The following C11orf65 variants were observed in gnomAD, a reference collection of about 807,000 sequenced individuals.
The protein encoded by C11orf65 is protein MFI.
C11orf65 carries 38 observed loss-of-function variants against 35.3 expected under a neutral mutation model. That is an observed-to-expected ratio of 1.08 (90% CI 0.83 to 1.41). C11orf65 has a LOEUF of 1.41. Among genes scored for constraint, C11orf65 ranks in the 40% most tolerant of loss-of-function variants. The probability of loss-of-function intolerance (pLI) is 0.00; values close to 1 mark genes in which losing one functional copy is unlikely to be tolerated. For missense variants in C11orf65, 370 were observed against 367.1 expected, an observed-to-expected ratio of 1.01 and a Z score of -0.06; for synonymous variants, 105 against 114.4, an observed-to-expected ratio of 0.92 and a Z score of 0.53.
At chr11:108,349,164 G>A (rs571000243) in intron 2 of C11orf65, among the ~76,000 whole-genome samples, 3 of 152,190 alleles carry the variant, frequency 2.0e-5, no homozygotes, top group African/African-American at 7.2e-5. Context: ...GATCTTGGAA[G>A]GCAAGAGGGG....
rs773252551 is a variant in C11orf65 at position 108,431,888 on chromosome 11, C to T, written c.82-50G>A. ...ATGATCAAAACTGGATTTTCTATTT[C>T]TACTTCGCTTTTTGTCTAATCAGGG... On this transcript the variant is annotated intron_variant, in intron 2 of 8. Transcript: ENST00000393084. 7.6e-6 allele frequency: 9 copies of T among 1,187,222 alleles called. No homozygotes were observed. The Admixed American group carries it at 1.9e-4, about 25-fold the overall frequency. The allele number at this position is 1,187,222 out of a possible 1,614,324, so 73.5% of individuals were successfully genotyped here.
intron 2 of C11orf65, among the ~76,000 whole-genome samples, chr11:108,443,611 C>A (rs540701111): frequency 2.1e-4 from 32 of 152,222 alleles, no homozygotes; most frequent in Admixed American, 1.2e-3. Context: ...GAAATTATAA[C>A]AAACTGTCTC....
chr11:108,401,762 G>A (rs1003394906), intron 6 of C11orf65, among the ~76,000 whole-genome samples: 2 of 152,054 alleles, frequency 1.3e-5, no homozygotes, highest in South Asian at 2.1e-4. Context: ...CTACCCCATC[G>A]GTCTCTCTGA....
At chr11:108,455,330 T>C (rs915536585) in intron 2 of C11orf65, among the ~76,000 whole-genome samples, 1 of 152,172 alleles carries the variant, frequency 6.6e-6, no homozygotes, top group Non-Finnish European at 1.5e-5. Context: ...GACATGATCT[T>C]ATATACAGAA....
intron 2 of C11orf65, chr11:108,343,181 T>C: frequency 6.2e-7 from 1 of 1,611,694 alleles, no homozygotes; most frequent in Non-Finnish European, 8.5e-7. Flanking sequence ...TGCTCTTTAA[T>C]GGCCTTTTAA....
At chr11:108,421,364 T>C (rs191708315) in intron 3 of C11orf65, among the ~76,000 whole-genome samples, 130 of 152,130 alleles carry the variant, frequency 8.5e-4, no homozygotes, top group Non-Finnish European at 1.8e-3. Context: ...CAAATCAAAA[T>C]ACACAACCAG....
At chr11:108,444,479 T>C (rs1230629711) in intron 2 of C11orf65, among the ~76,000 whole-genome samples, 1 of 152,054 alleles carries the variant, frequency 6.6e-6, no homozygotes, top group Non-Finnish European at 1.5e-5. Context: ...GAGGCCAACA[T>C]CATCCTGACA....
chr11:108,374,495 A>G (rs1326129886), intron 2 of C11orf65, among the ~76,000 whole-genome samples: 1 of 152,324 alleles, frequency 6.6e-6, no homozygotes. Context: ...GTACATCACC[A>G]TCATCAAAGA....
chr11:108,323,287 A>AC (rs2085363692), intron 6 of C11orf65, among the ~76,000 whole-genome samples: 2 of 152,204 alleles, frequency 1.3e-5, no homozygotes, highest in South Asian at 4.1e-4. Flanking sequence ...GGCAGTACTT[A>AC]CTGCCAGAAA....
At chr11:108,313,174 CT>C (rs1388059803) in intron 6 of C11orf65, among the ~76,000 whole-genome samples, 1 of 152,190 alleles carries the variant, frequency 6.6e-6, no homozygotes, top group Non-Finnish European at 1.5e-5. Flanking sequence ...GAGACTAATT[CT>C]TCCTGTGCTT....
At chr11:108,351,164 A>G (rs1329988854) in intron 2 of C11orf65, among the ~76,000 whole-genome samples, 1 of 152,234 alleles carries the variant, frequency 6.6e-6, no homozygotes, top group East Asian at 1.9e-4. Flanking sequence ...GTACACATGT[A>G]TAATTCCATT....
At chr11:108,374,697 G>A (rs1310792597) in intron 2 of C11orf65, among the ~76,000 whole-genome samples, 1 of 152,160 alleles carries the variant, frequency 6.6e-6, no homozygotes, top group Non-Finnish European at 1.5e-5. Flanking sequence ...CCGAGCTACA[G>A]GAGGAAATTC....
intron 2 of C11orf65, chr11:108,343,174 T>C (rs771908525): frequency 6.2e-7 from 1 of 1,609,294 alleles, no homozygotes; most frequent in Non-Finnish European, 8.5e-7. Flanking sequence ...CATCAAATGC[T>C]CTTTAATGGC....
At chr11:108,445,803 T>C (rs897054005) in intron 2 of C11orf65, among the ~76,000 whole-genome samples, 10 of 151,972 alleles carry the variant, frequency 6.6e-5, no homozygotes, top group African/African-American at 2.2e-4. Context: ...AGAAGAAGGC[T>C]TCAGACGATC....
chr11:108,361,327 G>A lies in C11orf65; in HGVS notation c.227-26035C>T, dbSNP rs925246849. On this transcript the variant is annotated intron_variant, in intron 2 of 3. Coordinates refer to the C11orf65 transcript ENST00000524755. ...ACAAACAAATGGAAGAACATTCCAT[G>A]CTCATGGGTAGGAAGAATCAATATT... 1.3e-4 allele frequency among the ~76,000 whole-genome samples: 19 copies of A among 146,620 alleles called. 1 individual carries two copies. The highest frequency in any genetic ancestry group is 9.1e-4 in the South Asian group (4 of 4,404).
chr11:108,393,516 A>G (rs2092220900), intron 6 of C11orf65, 138 bp from the exon 7 acceptor site: 4 of 770,698 alleles, frequency 5.2e-6, no homozygotes, highest in Non-Finnish European at 8.0e-6. Context: ...TATATAACTC[A>G]GATGCATCTA....
rs780317653 is a variant in C11orf65, at chr11:108,331,844, T to A, written c.300-277A>T. 5 of 1,603,340 alleles carry A rather than the reference T, an allele frequency of 3.1e-6. No individual in the cohort carries two copies. The African/African-American group carries it at 6.7e-5, about 21-fold the overall frequency. ...AAAAATATGGATTATATTTTTTTGT[T>A]TATTTGCATAAATCTAATAGTTCTT... On this transcript the variant is annotated intron_variant, in intron 3 of 3. Transcript: ENST00000524755.
chr11:108,430,459 C>G (rs1216749385), intron 3 of C11orf65, among the ~76,000 whole-genome samples: 2 of 150,206 alleles, frequency 1.3e-5, no homozygotes, highest in African/African-American at 4.9e-5. Flanking sequence ...TCTTAAAAAT[C>G]GTTAAGATAG....
At chr11:108,320,120 A>G (rs1019252820) in intron 6 of C11orf65, 47 of 1,250,222 alleles carry the variant, frequency 3.8e-5, no homozygotes, top group Non-Finnish European at 5.1e-5. Flanking sequence ...CTTTTCTGAA[A>G]ACTTGAGAAA....
Sources: allele counts gnomAD v4.1 joint callset (sites outside exome capture counted in the v4.1 genomes callset), GRCh38; gene constraint gnomAD v4.1.1; transcripts MANE v1.5; gene names NCBI Gene and HGNC (gene_info 2026-07-23, HGNC 2026-07-21).